Variants in UNC5D observed in about 807,000 individuals in gnomAD.
UNC5D encodes unc-5 netrin receptor D, also known as netrin receptor UNC5D.
Under a neutral mutation model 105.4 loss-of-function variants are expected in UNC5D, and 39 were observed. That is an observed-to-expected ratio of 0.37 (90% CI 0.29 to 0.48). The LOEUF (loss-of-function observed/expected upper bound fraction) is 0.48, where lower values mean the gene tolerates loss of function less well. Ranked by LOEUF, UNC5D falls within the 20% of genes least tolerant of loss-of-function variation. The probability of loss-of-function intolerance (pLI) is 0.98; values close to 1 mark genes in which losing one functional copy is unlikely to be tolerated. For missense variants in UNC5D, 991 were observed against 1,202.4 expected (o/e 0.82, Z 2.60); for synonymous variants, 452 against 450.4 (o/e 1.00, Z -0.04).
intron 14 of UNC5D, among the ~76,000 whole-genome samples, chr8:35,764,202 A>G (rs969841706): frequency 1.3e-5 from 2 of 152,196 alleles, no homozygotes; most frequent in South Asian, 2.1e-4. Flanking sequence ...GATGATGGCA[A>G]TCAGTTTCCA....
chr8:35,333,734 C>T (rs1334764126), intron 1 of UNC5D, among the ~76,000 whole-genome samples: 1 of 152,184 alleles, frequency 6.6e-6, no homozygotes, highest in Non-Finnish European at 1.5e-5. Flanking sequence ...CTAGCCTCTG[C>T]CTCCCAAAGT....
chr8:35,513,716 T>A (rs982825077), intron 1 of UNC5D, among the ~76,000 whole-genome samples: 1 of 152,164 alleles, frequency 6.6e-6, no homozygotes, highest in Admixed American at 6.5e-5. Flanking sequence ...TTTTGTCTCC[T>A]TTTTTTGCTG....
intron 1 of UNC5D, among the ~76,000 whole-genome samples, chr8:35,372,274 C>T (rs749310288): frequency 2.0e-5 from 3 of 151,656 alleles, no homozygotes; most frequent in African/African-American, 7.3e-5. Context: ...CAGACATGCA[C>T]TACCATACCT....
At chr8:35,331,208 C>G (rs758085925) in intron 1 of UNC5D, among the ~76,000 whole-genome samples, 1 of 152,092 alleles carries the variant, frequency 6.6e-6, no homozygotes, top group Non-Finnish European at 1.5e-5. Context: ...TTTAAAAGAA[C>G]AGGAGAGTTA....
intron 1 of UNC5D, among the ~76,000 whole-genome samples, chr8:35,252,274 G>T (rs912080794): frequency 2.0e-5 from 3 of 152,148 alleles, no homozygotes; most frequent in African/African-American, 7.2e-5. Context: ...TTTTTAAAAA[G>T]TATCAGATGA....
At chr8:35,683,480 A>G (rs1586424844) in intron 4 of UNC5D, 67 bp from the exon 5 acceptor site, 2 of 1,491,360 alleles carry the variant, frequency 1.3e-6, no homozygotes, top group Middle Eastern at 1.7e-4. Flanking sequence ...GAATCTGCTC[A>G]CTTTTCAATT....
intron 8 of UNC5D, chr8:35,721,347 G>GA (rs1435073461): frequency 2.0e-5 from 14 of 694,754 alleles, no homozygotes; most frequent in Non-Finnish European, 3.2e-5. Flanking sequence ...CGCACCTCTA[G>GA]AAAAAAGGGT....
At chr8:35,526,222 C>G (rs1473495886) in intron 1 of UNC5D, among the ~76,000 whole-genome samples, 1 of 152,186 alleles carries the variant, frequency 6.6e-6, no homozygotes, top group Non-Finnish European at 1.5e-5. Context: ...TTGCGACAGG[C>G]CCAGACATTC....
At chr8:35,275,104 A>G (rs1274607037) in intron 1 of UNC5D, among the ~76,000 whole-genome samples, 1 of 151,048 alleles carries the variant, frequency 6.6e-6, no homozygotes, top group African/African-American at 2.4e-5. Context: ...AAAAGAAAAC[A>G]AAACAACAAC....
chr8:35,479,394 G>A (rs953922752), intron 1 of UNC5D, among the ~76,000 whole-genome samples: 1 of 152,026 alleles, frequency 6.6e-6, no homozygotes, highest in Non-Finnish European at 1.5e-5. Context: ...TCTATATAAA[G>A]GTTTCTCAAC....
Position 35,622,717 on chromosome 8 carries a change from C to T in UNC5D, c.570+27060C>T, listed in dbSNP as rs1045267465. On this transcript the variant is annotated intron_variant, in intron 4 of 16. Coordinates refer to ENST00000404895, the MANE Select transcript of UNC5D (RefSeq NM_080872.4). ...TTGTTTGTCCACAGCATTCCATTCACGTGTGGAAAAATAGTTCTGCTTCTG... is the reference window on the plus strand; with the variant it reads ...TTGTTTGTCCACAGCATTCCATTCATGTGTGGAAAAATAGTTCTGCTTCTG... Among the ~76,000 whole-genome samples the T allele has an allele frequency of 3.3e-5, 5 of 152,134 alleles. No individual in the cohort carries two copies. The East Asian group carries it at 5.8e-4, about 18-fold the overall frequency.
At chr8:35,436,300 G>A (rs1807010939) in intron 1 of UNC5D, among the ~76,000 whole-genome samples, 1 of 151,966 alleles carries the variant, frequency 6.6e-6, no homozygotes, top group Non-Finnish European at 1.5e-5. Context: ...TTAAATATAT[G>A]AAAGCTGTTT....
At chr8:35,364,575 GTTA>G (rs1554516898) in intron 1 of UNC5D, among the ~76,000 whole-genome samples, 1 of 152,126 alleles carries the variant, frequency 6.6e-6, no homozygotes, top group Non-Finnish European at 1.5e-5. Context: ...AGTAAGGCAT[GTTA>G]TTGTTATTGG....
chr8:35,719,141 TACACACACACAC>T (rs57660135), intron 8 of UNC5D, among the ~76,000 whole-genome samples: 1,333 of 133,164 alleles, frequency 0.01, 15 homozygotes, highest in East Asian at 0.038. Flanking sequence ...CATGTGCTTA[TACACACACACAC>T]ACACACACAC....
intron 4 of UNC5D, among the ~76,000 whole-genome samples, chr8:35,674,424 T>C (rs1825057135): frequency 6.6e-6 from 1 of 152,164 alleles, no homozygotes; most frequent in Non-Finnish European, 1.5e-5. Flanking sequence ...TGTGTGTATA[T>C]ATGGTTTAGG....
At chr8:35,661,883 C>T (rs10102232) in intron 4 of UNC5D, among the ~76,000 whole-genome samples, 2 of 152,134 alleles carry the variant, frequency 1.3e-5, no homozygotes, top group Non-Finnish European at 2.9e-5. Context: ...ATGGGCTCCT[C>T]CATCAGTGAA....
chr8:35,485,211 T>C (rs561475243), intron 1 of UNC5D, among the ~76,000 whole-genome samples: 1 of 152,290 alleles, frequency 6.6e-6, no homozygotes, highest in South Asian at 2.1e-4. Context: ...GACCATGCCA[T>C]CTACTTCAGT....
At chr8:35,583,135 T>C (rs909109144) in intron 3 of UNC5D, among the ~76,000 whole-genome samples, 1 of 152,144 alleles carries the variant, frequency 6.6e-6, no homozygotes, top group Non-Finnish European at 1.5e-5. Context: ...GAAGATTACT[T>C]GAGGTCAGGA....
chr8:35,428,449 G>C (rs1181009100), intron 1 of UNC5D, among the ~76,000 whole-genome samples: 3 of 145,522 alleles, frequency 2.1e-5, no homozygotes, highest in Non-Finnish European at 3.0e-5. Flanking sequence ...GCCTCCCAAA[G>C]TGCTGGGATT....
Sources: gnomAD v4.1 joint callset for allele counts (sites outside exome capture counted in the v4.1 genomes callset) on GRCh38, gnomAD v4.1.1 for gene constraint, MANE v1.5 for transcripts, NCBI Gene and HGNC (gene_info 2026-07-23, HGNC 2026-07-21) for gene names.